WDR43: variants seen among roughly 807,000 people sequenced by gnomAD.
WDR43 encodes the protein WD repeat domain 43, also known as WD repeat-containing protein 43.
WDR43 carries 13 observed loss-of-function variants against 91.4 expected under a neutral mutation model. The ratio of observed to expected loss-of-function variants is 0.14; its 90% CI spans 0.09 to 0.23. The LOEUF (loss-of-function observed/expected upper bound fraction) is 0.23, where lower values mean the gene tolerates loss of function less well. WDR43 is among the 10% of genes least tolerant of loss of function. WDR43 has a pLI of 1.00. For synonymous variants in WDR43, 331 were observed against 287.9 expected (o/e 1.15, Z -1.51); for missense variants, 780 against 809.4 (o/e 0.96, Z 0.44).
intron 8 of WDR43, among the ~76,000 whole-genome samples, chr2:28,925,611 G>A (rs1366762473): frequency 2.0e-5 from 3 of 152,138 alleles, no homozygotes; most frequent in Non-Finnish European, 2.9e-5. Context: ...AAATGTAATG[G>A]GCAGTGCAAT....
At chr2:28,913,651 T>TA (rs1670850814) in intron 4 of WDR43, 1 of 520,596 alleles carries the variant, frequency 1.9e-6, no homozygotes, top group African/African-American at 1.9e-5. Flanking sequence ...ACTCAGGGCT[T>TA]ACGGAATATT....
At chr2:28,944,625 G>T (rs1451738171) in intron 16 of WDR43, among the ~76,000 whole-genome samples, 1 of 152,204 alleles carries the variant, frequency 6.6e-6, no homozygotes, top group Non-Finnish European at 1.5e-5. Context: ...TGGTGAGAGT[G>T]CCTGGAGTTG....
intron 12 of WDR43, among the ~76,000 whole-genome samples, chr2:28,936,542 A>C (rs748225487): frequency 3.3e-5 from 5 of 152,310 alleles, no homozygotes; most frequent in Non-Finnish European, 1.5e-5. Context: ...CGTAGCATAA[A>C]ATTTAACTCT....
chr2:28,936,396 G>A (rs1671337657), intron 12 of WDR43, among the ~76,000 whole-genome samples: 1 of 152,074 alleles, frequency 6.6e-6, no homozygotes, highest in South Asian at 2.1e-4. Context: ...TTATTGGTAA[G>A]GGAAAACTCT....
At chr2:28,897,167 T>A (rs1333102834) in intron 1 of WDR43, among the ~76,000 whole-genome samples, 1 of 152,170 alleles carries the variant, frequency 6.6e-6, no homozygotes, top group Non-Finnish European at 1.5e-5. Context: ...TGAGGGTGTG[T>A]CCTCTTGGAG....
Position 28,931,892 on chromosome 2 carries a change from TA to T in WDR43, c.1437+2185del, listed in dbSNP as rs199954264. Among the ~76,000 whole-genome samples the T allele has an allele frequency of 5.6e-3, 629 of 112,568 alleles. 8 individuals carry two copies. Among genetic ancestry groups the T allele is most frequent in the African/African-American group, 0.019 (566 of 29,316 alleles). The allele number at this position is 112,568 out of a possible 152,430, so 73.8% of individuals were successfully genotyped here. On this transcript the variant is annotated intron_variant, in intron 11 of 17. Transcript: ENST00000407426. The stretch of plus-strand genomic sequence containing the variant: ...CCCCGCCCTTTTTTTTTTTTTTTTT[TA>T]AATGAGACAGGGTCTCACTCTGTCA...
At position 28,947,519 on chromosome 2, in the gene WDR43, G is replaced by A. The variant is rs989872289; in HGVS notation, c.*740G>A. 2.6e-5 allele frequency: 4 copies of A among 152,086 alleles called. No homozygotes were observed. The highest frequency in any genetic ancestry group is 4.8e-5 in the African/African-American group (2 of 41,428). 9.4% of individuals were successfully genotyped at this position (152,086 alleles called of 1,614,324 possible). A position where few individuals can be genotyped will look rare whatever the true frequency, so the allele number is the denominator to read the frequency against. ...AAATTACTTCTAAAGAATCATCAGTGTATAGATTAGAAGTGCTCATTACCT... is the reference window on the plus strand; with the variant it reads ...AAATTACTTCTAAAGAATCATCAGTATATAGATTAGAAGTGCTCATTACCT... On this transcript the variant is annotated 3_prime_UTR_variant, in exon 18 of 18. Transcript: ENST00000407426.
rs139084279 is a variant in WDR43 at position 28,924,642 on chromosome 2, C to T, written c.915-340C>T. Among the ~76,000 whole-genome samples, 829 of 152,096 alleles carry T rather than the reference C, an allele frequency of 5.5e-3. 7 individuals carry two copies. Among genetic ancestry groups the T allele is most frequent in the African/African-American group, 0.018 (762 of 41,474 alleles). On this transcript the variant is annotated intron_variant, in intron 7 of 17. Transcript: ENST00000407426. ...TTTGGGGGTTGGGAGAAACTGGAGA[C>T]GGGACTGACTGGAACAGGGCTTGGA...
intron 11 of WDR43, among the ~76,000 whole-genome samples, chr2:28,931,060 C>CT (rs1027758232): frequency 1.4e-5 from 2 of 147,190 alleles, no homozygotes; most frequent in African/African-American, 2.5e-5. Flanking sequence ...TTGTCTCAAA[C>CT]TTTTTTTTTA....
rs1299966959 is a variant in WDR43 at position 28,926,529 on chromosome 2, C to T, written c.1148C>T (p.Pro383Leu). ...AGAGATATTTCAAACTGCTGGGCCCCCAAAGTAGAAACAGCTATAACAAAG... is the reference window on the plus strand; with the variant it reads ...AGAGATATTTCAAACTGCTGGGCCCTCAAAGTAGAAACAGCTATAACAAAG... ...LVRDISNCWA[P>L]KVETAITKVR... The change falls in exon 9 of 18, where the codon CCC (proline) becomes CTC (leucine). Residue 383 changes from proline (P) to leucine (L), a missense_variant. Pro to Leu is a moderately conservative substitution (Grantham distance 98, BLOSUM62 -3). Around this residue, in one of 4 missense-constraint regions of WDR43, gnomAD observed 426 missense variants for 467.8 expected, o/e 0.91. Coordinates refer to ENST00000407426, the MANE Select transcript of WDR43 (RefSeq NM_015131.3). 1 of 1,598,328 alleles carries T rather than the reference C, an allele frequency of 6.3e-7. No homozygotes were observed. Among genetic ancestry groups the T allele is most frequent in the East Asian group, 2.2e-5 (1 of 44,554 alleles).
In WDR43 at chr2:28,894,896, C is replaced by G. The variant is rs756539538; in HGVS notation, c.198C>G (p.Ala66=). Reference sequence around the variant, plus strand: ...TCAGTGGTACCTGCACCTGTCTGGCCTGGGCGCCAGCGCGGCTGCAGGCCA... The same window carrying G: ...TCAGTGGTACCTGCACCTGTCTGGCGTGGGCGCCAGCGCGGCTGCAGGCCA... ...AHLSGTCTCL[A]WAPARLQAKE... is the part of the protein sequence containing the mutation. The change falls in exon 1 of 18, where the codon GCC becomes GCG. Residue 66 remains alanine, a synonymous_variant. Transcript: ENST00000407426. 6 of 1,601,824 alleles carry G rather than the reference C, an allele frequency of 3.7e-6. No individual in the cohort carries two copies. Among genetic ancestry groups the G allele is most frequent in the Non-Finnish European group, 5.1e-6 (6 of 1,174,746 alleles).
chr2:28,916,420 G>T (rs1237809224), intron 5 of WDR43, among the ~76,000 whole-genome samples: 1 of 151,976 alleles, frequency 6.6e-6, no homozygotes, highest in Admixed American at 6.6e-5. Context: ...TCAACACTTG[G>T]TATAGCATTT....
chr2:28,942,263 T>A, intron 15 of WDR43, 49 bp from the exon 16 acceptor site: 1 of 1,581,638 alleles, frequency 6.3e-7, no homozygotes, highest in Non-Finnish European at 8.6e-7. Context: ...TCGTGATACT[T>A]GGGATATGTT....
intron 12 of WDR43, among the ~76,000 whole-genome samples, chr2:28,935,899 G>T (rs1037973741): frequency 4.6e-5 from 7 of 152,180 alleles, no homozygotes; most frequent in Admixed American, 2.0e-4. Context: ...GTATGTACAG[G>T]ATATCATCTA....
At chr2:28,906,951 A>G (rs928349026) in intron 3 of WDR43, among the ~76,000 whole-genome samples, 5 of 152,050 alleles carry the variant, frequency 3.3e-5, no homozygotes, top group Non-Finnish European at 7.4e-5. Flanking sequence ...GAAGTTGGGG[A>G]GATGGCAAGA....
intron 2 of WDR43, among the ~76,000 whole-genome samples, chr2:28,904,020 G>T (rs1164631286): frequency 6.6e-6 from 1 of 152,118 alleles, no homozygotes; most frequent in Non-Finnish European, 1.5e-5. Context: ...GGCCATGCTG[G>T]TGTCGAACTC....
At chr2:28,946,331 A>T in intron 16 of WDR43, 119 bp from the exon 17 acceptor site, 1 of 1,033,042 alleles carries the variant, frequency 9.7e-7, no homozygotes, top group Non-Finnish European at 1.3e-6. Flanking sequence ...TAGTTGGATG[A>T]TTGCTAAATA....
Position 28,946,626 on chromosome 2 carries a change from G to C in WDR43, c.1881G>C (p.Glu627Asp), listed in dbSNP as rs1229667597. The C allele has an allele frequency of 1.9e-6, 3 of 1,556,858 alleles. No individual in the cohort carries two copies. Among genetic ancestry groups the C allele is most frequent in the Non-Finnish European group, 2.6e-6 (3 of 1,149,646 alleles). Residue 627 changes from glutamate (E) to aspartate (D), a missense_variant, in exon 18 of 18, where the codon GAG becomes GAC. Physicochemically the swap from Glu to Asp is conservative, Grantham distance 45. Transcript: ENST00000407426. The part of the protein sequence containing the change: ...SEDNWDEDEE[E>D]SESEKDEDVE... ...ATAATTGGGATGAAGATGAGGAGGA[G>C]AGTGAAAGTGAAAAAGATGAGGACG... is the stretch of plus-strand genomic sequence containing the variant.
In WDR43 at chr2:28,929,541, TGTCTG is replaced by T. The variant is rs574714688; in HGVS notation, c.1306-35_1306-31del. The T allele has an allele frequency of 8.1e-3, 12,150 of 1,504,324 alleles. 71 individuals are homozygous for T. The highest frequency in any genetic ancestry group is 9.8e-3 in the Non-Finnish European group (11,036 of 1,126,396). The allele number at this position is 1,504,324 out of a possible 1,614,324, so 93.2% of individuals were successfully genotyped here. ...TTTGTCTCCAAACTACTTTAAGTCT[TGTCTG>T]GTAACACATTAACAATCCTTTCTGT... On this transcript the variant is annotated intron_variant, in intron 10 of 17. Coordinates refer to ENST00000407426, the MANE Select transcript of WDR43 (RefSeq NM_015131.3).
Sources: gnomAD v4.1 joint callset for allele counts (sites outside exome capture counted in the v4.1 genomes callset) on GRCh38, gnomAD v4.1.1 for gene constraint, gnomAD v4.1.1 regional missense constraint, MANE v1.5 for transcripts, NCBI Gene and HGNC (gene_info 2026-07-23, HGNC 2026-07-21) for gene names.